The following P3H2 variants were observed in gnomAD, a reference collection of about 807,000 sequenced individuals.
P3H2 encodes prolyl 3-hydroxylase 2, also known as leprecan-like 1.
P3H2 carries 80 observed loss-of-function variants against 87.0 expected under a neutral mutation model. The observed-to-expected ratio is 0.92, with a 90% confidence interval of 0.77 to 1.11. The LOEUF is 1.11. Ranked by LOEUF, P3H2 falls within the 50% of genes least tolerant of loss-of-function variation. The pLI is 0.00. For synonymous variants in P3H2, 367 were observed against 359.3 expected (o/e 1.02, Z -0.24); for missense variants, 1,001 against 923.9 (o/e 1.08, Z -1.08).
At chr3:190,049,900 CA>C (rs146077774) in intron 1 of P3H2, among the ~76,000 whole-genome samples, 2,218 of 152,262 alleles carry the variant, frequency 0.015, 62 homozygotes, top group African/African-American at 0.051. Flanking sequence ...CCGGGTTACA[CA>C]AAGTTAAACA....
chr3:189,979,512 C>T (rs1723458848), intron 8 of P3H2, among the ~76,000 whole-genome samples: 1 of 151,830 alleles, frequency 6.6e-6, no homozygotes, highest in East Asian at 1.9e-4. Context: ...ATCATAGGGC[C>T]CAGAAAAATT....
intron 14 of P3H2, among the ~76,000 whole-genome samples, chr3:189,959,858 ATATGTGTGTGTGTGTGTGTGTGTGTG>A (rs1426139298): frequency 0.019 from 2,494 of 131,174 alleles, 45 homozygotes; most frequent in African/African-American, 0.06. Context: ...ACTGGAGGAG[ATATGTGTGTGTGTGTGTGTGTGTGTG>A]TGTGTGTGTG....
intron 1 of P3H2, among the ~76,000 whole-genome samples, chr3:190,088,464 TAAAG>T (rs1727298842): frequency 1.3e-5 from 2 of 148,306 alleles, no homozygotes; most frequent in African/African-American, 5.3e-5. Context: ...CACTGATGTA[TAAAG>T]AAAACACATA....
chr3:189,960,793 C>T (rs1043111566), intron 14 of P3H2, among the ~76,000 whole-genome samples: 3 of 152,140 alleles, frequency 2.0e-5, no homozygotes, highest in Non-Finnish European at 4.4e-5. Flanking sequence ...GAATTGAAAA[C>T]AAAGCCCCTT....
chr3:189,988,875 C>T (rs375958677), intron 4 of P3H2, 32 bp downstream of exon 4: 3 of 1,613,470 alleles, frequency 1.9e-6, no homozygotes, highest in Middle Eastern at 1.6e-4. Flanking sequence ...CACAACCCCC[C>T]AAGAAGTCTT....
chr3:190,066,795 G>C (rs866779118), intron 1 of P3H2, among the ~76,000 whole-genome samples: 2 of 151,980 alleles, frequency 1.3e-5, no homozygotes, highest in African/African-American at 4.8e-5. Flanking sequence ...CAGAGCTCTA[G>C]CCCTGTCTAT....
At chr3:190,079,646 C>T (rs1193060252) in intron 1 of P3H2, among the ~76,000 whole-genome samples, 1 of 152,138 alleles carries the variant, frequency 6.6e-6, no homozygotes, top group African/African-American at 2.4e-5. Context: ...TCACCCTTTC[C>T]ACCTTCTCAA....
At position 190,049,977 on chromosome 3, in the gene P3H2, G is replaced by A. The variant is rs536275642; in HGVS notation, c.481-54535C>T. Reference sequence around the variant, plus strand: ...GATGCACATTGTAAATATTCAAGAGGTCAACATACTCTGTAATATCTCTCA... The same window carrying A: ...GATGCACATTGTAAATATTCAAGAGATCAACATACTCTGTAATATCTCTCA... On this transcript the variant is annotated intron_variant, in intron 1 of 14. Coordinates refer to ENST00000319332, the MANE Select transcript of P3H2 (RefSeq NM_018192.4). Among the ~76,000 whole-genome samples the A allele has an allele frequency of 2.2e-4, 34 of 152,260 alleles. No homozygotes were observed. In the South Asian group the frequency reaches 7.1e-3, roughly 32 times the overall value.
At chr3:189,972,066 T>C in intron 11 of P3H2, 59 bp from the exon 12 acceptor site, 1 of 986,892 alleles carries the variant, frequency 1.0e-6, no homozygotes, top group Non-Finnish European at 1.6e-6. Context: ...TCCACCAAAG[T>C]AACTGACAAT....
At chr3:190,116,592 G>A (rs931236415) in intron 1 of P3H2, 1 of 152,442 alleles carries the variant, frequency 6.6e-6, no homozygotes, top group African/African-American at 2.4e-5. Context: ...TTGGCTGGAA[G>A]GCGGCAGAGT....
chr3:190,076,344 A>G (rs1239824941), intron 1 of P3H2, among the ~76,000 whole-genome samples: 2 of 152,138 alleles, frequency 1.3e-5, no homozygotes. Flanking sequence ...TTGACCAAAA[A>G]CTATCAAAAG....
intron 1 of P3H2, among the ~76,000 whole-genome samples, chr3:190,038,280 T>C (rs1725488382): frequency 6.8e-6 from 1 of 148,036 alleles, no homozygotes; most frequent in South Asian, 2.1e-4. Flanking sequence ...GGAAACCTGA[T>C]TGGCTGCAAG....
chr3:190,077,859 T>C (rs1388837152), intron 1 of P3H2, among the ~76,000 whole-genome samples: 2 of 152,076 alleles, frequency 1.3e-5, no homozygotes, highest in Admixed American at 6.5e-5. Context: ...TTTATTCTCT[T>C]TAATCATCCA....
chr3:190,099,428 A>C lies in P3H2; in HGVS notation c.480+20824T>G, dbSNP rs113752257. ...GACAACGGGTATATATGCAGGGGGA[A>C]AGTGTGGAATAACTCCTTTTTTCTT... On this transcript the variant is annotated intron_variant, in intron 1 of 14. Transcript: ENST00000319332. Among the ~76,000 whole-genome samples, 92 of 152,338 alleles carry C rather than the reference A, an allele frequency of 6.0e-4. No individual in the cohort carries two copies. The Middle Eastern group carries it at 0.014, about 23-fold the overall frequency.
rs115164554 is a variant in P3H2, at chr3:190,056,392, C to T, written c.481-60950G>A. Among the ~76,000 whole-genome samples, 613 of 152,238 alleles carry T rather than the reference C, an allele frequency of 4.0e-3. 4 individuals are homozygous for T. Among genetic ancestry groups the T allele is most frequent in the African/African-American group, 0.014 (570 of 41,548 alleles). On this transcript the variant is annotated intron_variant, in intron 1 of 14. Coordinates refer to ENST00000319332, the MANE Select transcript of P3H2 (RefSeq NM_018192.4). ...CAGTTACTGCCTTCATTTGGTTCAC[C>T]GCTATATTCCCGAGTACTCAACACA...
chr3:190,054,072 T>C lies in P3H2; in HGVS notation c.481-58630A>G, dbSNP rs559958127. Among the ~76,000 whole-genome samples, 35 of 152,302 alleles carry C rather than the reference T, an allele frequency of 2.3e-4. 1 individual carries two copies. In the South Asian group the frequency reaches 7.0e-3, roughly 31 times the overall value. Reference sequence around the variant, plus strand: ...ATATATGCAGGGGCTTTATCTGCACTGTATTCTAATGTTCTTAGCCACTAT... The same window carrying C: ...ATATATGCAGGGGCTTTATCTGCACCGTATTCTAATGTTCTTAGCCACTAT... On this transcript the variant is annotated intron_variant, in intron 1 of 14. Coordinates refer to ENST00000319332, the MANE Select transcript of P3H2 (RefSeq NM_018192.4).
intron 1 of P3H2, among the ~76,000 whole-genome samples, chr3:190,031,553 C>T (rs1338609448): frequency 1.3e-5 from 2 of 151,906 alleles, no homozygotes; most frequent in East Asian, 3.9e-4. Context: ...AGGAGAATCA[C>T]TGGAACCTGG....
chr3:190,052,304 A>C (rs1726008749), intron 1 of P3H2, among the ~76,000 whole-genome samples: 1 of 151,518 alleles, frequency 6.6e-6, no homozygotes, highest in African/African-American at 2.4e-5. Flanking sequence ...ATATGTTCTA[A>C]TTTTTCAGCT....
At chr3:190,044,365 G>A (rs1725734828) in intron 1 of P3H2, among the ~76,000 whole-genome samples, 1 of 152,162 alleles carries the variant, frequency 6.6e-6, no homozygotes, top group Non-Finnish European at 1.5e-5. Flanking sequence ...TCAGAGTGGT[G>A]GAGTAATACA....
Sources: allele counts gnomAD v4.1 joint callset (sites outside exome capture counted in the v4.1 genomes callset), GRCh38; gene constraint gnomAD v4.1.1; transcripts MANE v1.5; gene names NCBI Gene and HGNC (gene_info 2026-07-23, HGNC 2026-07-21).